The following SYK variants were observed in gnomAD, a reference collection of about 807,000 sequenced individuals.
The protein encoded by SYK is spleen associated tyrosine kinase.
SYK carries 16 observed loss-of-function variants against 77.8 expected under a neutral mutation model. The observed-to-expected ratio is 0.21, with a 90% CI of 0.14 to 0.31. The LOEUF is 0.31. Ranked by LOEUF, SYK falls within the 10% of genes least tolerant of loss-of-function variation. SYK has a pLI of 1.00. For missense variants in SYK, 529 were observed against 814.4 expected (o/e 0.65, Z 4.26); for synonymous variants, 312 against 308.7 (o/e 1.01, Z -0.11).
intron 11 of SYK, among the ~76,000 whole-genome samples, chr9:90,884,736 T>C (rs62646608): frequency 0.015 from 275 of 17,744 alleles, 67 homozygotes; most frequent in South Asian, 0.031. Flanking sequence ...TGTGTACATG[T>C]ACATATACAC....
chr9:90,870,309 A>G (rs1474260714), intron 7 of SYK, among the ~76,000 whole-genome samples: 1 of 152,218 alleles, frequency 6.6e-6, no homozygotes, highest in East Asian at 1.9e-4. Context: ...CAACATCTCT[A>G]AAAAGACTTC....
intron 5 of SYK, 95 bp downstream of exon 5, chr9:90,864,762 A>C (rs1022353985): frequency 2.0e-5 from 22 of 1,100,398 alleles, no homozygotes; most frequent in African/African-American, 3.1e-5. Context: ...GGGTTGGATG[A>C]GGACTTCTTT....
intron 3 of SYK, among the ~76,000 whole-genome samples, chr9:90,859,007 G>A (rs1827149213): frequency 6.6e-6 from 1 of 152,220 alleles, no homozygotes; most frequent in Admixed American, 6.5e-5. Context: ...AAAGCAAAGG[G>A]CACTCTCTGT....
At chr9:90,843,151 A>G (rs748276503) in intron 1 of SYK, among the ~76,000 whole-genome samples, 1 of 152,158 alleles carries the variant, frequency 6.6e-6, no homozygotes, top group Non-Finnish European at 1.5e-5. Flanking sequence ...GGGAGAAGAC[A>G]GCCTATGGGC....
In SYK at chr9:90,862,282, G is replaced by A. The variant is rs968372087; in HGVS notation, c.655G>A (p.Asp219Asn). Reference sequence around the variant, plus strand: ...AGGGAAGGTGCTGCACTATCGCATCGACAAAGACAAGACAGGGAAGCTCTC... The same window carrying A: ...AGGGAAGGTGCTGCACTATCGCATCAACAAAGACAAGACAGGGAAGCTCTC... ...HEGKVLHYRI[D>N]KDKTGKLSIP... Residue 219 changes from aspartate (D) to asparagine (N), a missense_variant, in exon 4 of 14, where the codon GAC (aspartate) becomes AAC (asparagine). Physicochemically the swap from Asp to Asn is conservative, Grantham distance 23 (BLOSUM62 1). Transcript: ENST00000375754. The A allele has an allele frequency of 8.1e-6, 13 of 1,613,966 alleles. No homozygotes were observed. The highest frequency in any genetic ancestry group is 1.3e-5 in the African/African-American group (1 of 74,916).
chr9:90,863,933 A>G (rs935313402), intron 4 of SYK, among the ~76,000 whole-genome samples: 3 of 152,192 alleles, frequency 2.0e-5, no homozygotes, highest in Non-Finnish European at 2.9e-5. Flanking sequence ...AATCTTTACT[A>G]TTTGTATTGA....
chr9:90,872,218 G>A (rs1827757026), intron 7 of SYK, among the ~76,000 whole-genome samples: 1 of 152,212 alleles, frequency 6.6e-6, no homozygotes, highest in South Asian at 2.1e-4. Context: ...CATTCTGTGA[G>A]GTAGAGAGGC....
intron 13 of SYK, among the ~76,000 whole-genome samples, chr9:90,892,117 A>G (rs1161299429): frequency 6.6e-6 from 1 of 152,246 alleles, no homozygotes; most frequent in Admixed American, 6.5e-5. Context: ...AAGACAGTGA[A>G]GTCTAAAGAA....
At chr9:90,890,938 G>A (rs368849484) in intron 13 of SYK, among the ~76,000 whole-genome samples, 1 of 152,158 alleles carries the variant, frequency 6.6e-6, no homozygotes, top group East Asian at 1.9e-4. Flanking sequence ...CTTTCCTGCA[G>A]AGAGACAAGG....
chr9:90,859,370 G>C (rs879678060), intron 3 of SYK, among the ~76,000 whole-genome samples: 14 of 152,184 alleles, frequency 9.2e-5, no homozygotes, highest in Non-Finnish European at 1.8e-4. Flanking sequence ...GCTTTTGTCT[G>C]TTTGGGGACT....
At chr9:90,875,575 TAAC>T (rs1827894647) in intron 9 of SYK, among the ~76,000 whole-genome samples, 1 of 152,210 alleles carries the variant, frequency 6.6e-6, no homozygotes, top group African/African-American at 2.4e-5. Context: ...CATTCCATTA[TAAC>T]AATAGTTTTT....
chr9:90,863,930 A>G (rs190360715), intron 4 of SYK, among the ~76,000 whole-genome samples: 111 of 152,338 alleles, frequency 7.3e-4, no homozygotes, highest in Middle Eastern at 3.4e-3. Flanking sequence ...AAGAATCTTT[A>G]CTATTTGTAT....
Position 90,812,131 on chromosome 9 carries a change from G to A in SYK, c.-42+10238G>A, listed in dbSNP as rs192838700. On this transcript the variant is annotated intron_variant, in intron 1 of 13. Transcript: ENST00000375754. ...ATTAAGAACAGCAGCTTTGGGGGGA[G>A]GGGAATAGAATTGGTTTAGAGAAAA... Among the ~76,000 whole-genome samples, 330 of 148,374 alleles carry A rather than the reference G, an allele frequency of 2.2e-3. 8 individuals carry two copies. The highest frequency in any genetic ancestry group is 0.017 in the Admixed American group (251 of 14,838).
chr9:90,834,487 C>T (rs2118537174), intron 1 of SYK, among the ~76,000 whole-genome samples: 1 of 152,350 alleles, frequency 6.6e-6, no homozygotes, highest in Non-Finnish European at 1.5e-5. Flanking sequence ...CGATTCTCAC[C>T]TCTGTGTCCC....
At chr9:90,802,930 A>G (rs2118220032) in intron 1 of SYK, among the ~76,000 whole-genome samples, 1 of 152,230 alleles carries the variant, frequency 6.6e-6, no homozygotes. Flanking sequence ...TGATTCTACC[A>G]TCTGACTTCT....
In SYK at chr9:90,807,923, T is replaced by C. The variant is rs565589045; in HGVS notation, c.-42+6030T>C. On this transcript the variant is annotated intron_variant, in intron 1 of 13. Coordinates refer to ENST00000375754, the MANE Select transcript of SYK (RefSeq NM_003177.7). ...CATGTGTGCACGTCTTCAGAAGATATAATGGTGGGCTGTGTATGTCTTCTT... is the reference window on the plus strand; with the variant it reads ...CATGTGTGCACGTCTTCAGAAGATACAATGGTGGGCTGTGTATGTCTTCTT... 1.2e-4 allele frequency among the ~76,000 whole-genome samples: 18 copies of C among 152,308 alleles called. No homozygotes were observed. The South Asian group carries it at 2.7e-3, about 23-fold the overall frequency.
At position 90,888,522 on chromosome 9, in the gene SYK, A is replaced by G; in HGVS notation, c.1730A>G (p.Lys577Arg). The G allele has an allele frequency of 1.2e-6, 2 of 1,605,790 alleles. No homozygotes were observed. The highest frequency in any genetic ancestry group is 1.1e-5 in the South Asian group (1 of 88,476). ...ATATCTTGCATGTTGTAGGGGATGA[A>G]AGGAAGTGAAGTCACCGCTATGTTA... is the stretch of plus-strand genomic sequence containing the variant. ...SYGQKPYRGM[K>R]GSEVTAMLEK... The change falls in exon 13 of 14, where the codon AAA becomes AGA. Residue 577 changes from lysine (K) to arginine (R), a missense_variant. Physicochemically the swap from Lys to Arg is conservative, Grantham distance 26. This residue lies in a region of SYK where 208 missense variants were observed against 381.3 expected (regional missense o/e 0.55). Transcript: ENST00000375754.
At chr9:90,809,519 C>T in intron 1 of SYK, among the ~76,000 whole-genome samples, 1 of 152,308 alleles carries the variant, frequency 6.6e-6, no homozygotes, top group East Asian at 1.9e-4. Context: ...GACACAGGCT[C>T]AGTGTCAGAC....
intron 3 of SYK, among the ~76,000 whole-genome samples, chr9:90,859,207 C>A (rs957817490): frequency 7.2e-5 from 11 of 152,246 alleles, no homozygotes; most frequent in African/African-American, 2.4e-4. Flanking sequence ...ACTCCGCCCT[C>A]ACACACTCAT....
Sources: gnomAD v4.1 joint callset for allele counts (sites outside exome capture counted in the v4.1 genomes callset) on GRCh38, gnomAD v4.1.1 for gene constraint, gnomAD v4.1.1 regional missense constraint, MANE v1.5 for transcripts, NCBI Gene and HGNC (gene_info 2026-07-23, HGNC 2026-07-21) for gene names.